The following ZNF536 variants were observed in gnomAD, a reference collection of about 807,000 sequenced individuals.
The protein encoded by ZNF536 is zinc finger protein 536.
A neutral mutation model predicts 84.5 loss-of-function variants in ZNF536; 13 were observed. The observed-to-expected ratio is 0.15, with a 90% CI of 0.10 to 0.24. The LOEUF (loss-of-function observed/expected upper bound fraction) is 0.24. Among genes scored for constraint, ZNF536 ranks in the 10% least tolerant of loss-of-function variants. The pLI, the probability that ZNF536 is intolerant of heterozygous loss-of-function variation, is 1.00. For synonymous variants in ZNF536, 811 were observed against 742.5 expected, an observed-to-expected ratio of 1.09 and a Z score of -1.50; for missense variants, 1,536 against 1,747.5, an observed-to-expected ratio of 0.88 and a Z score of 2.16.
In ZNF536 at chr19:30,534,891, G is replaced by A. The variant is rs2145933370; in HGVS notation, c.2215G>A (p.Ala739Thr). ...GAGATCTGCCGGCGTCCAGCAACCA[G>A]CGCTGCTTCGCGACAGAAGCCTGGG... is the stretch of plus-strand genomic sequence containing the variant. ...AGRSAGVQQPALLRDRSLGSA... is the reference protein window; with the variant it reads ...AGRSAGVQQPTLLRDRSLGSA... The change falls in exon 3 of 5, where the codon GCG becomes ACG. Residue 739 changes from alanine (A) to threonine (T), a missense_variant. Transcript: ENST00000355537. The A allele has an allele frequency of 6.2e-7, 1 of 1,613,946 alleles. No homozygotes were observed. The highest frequency in any genetic ancestry group is 8.5e-7 in the Non-Finnish European group (1 of 1,179,886).
intron 1 of ZNF536, among the ~76,000 whole-genome samples, chr19:30,436,674 G>C (rs576567692): frequency 6.6e-6 from 1 of 152,300 alleles, no homozygotes; most frequent in East Asian, 1.9e-4. Context: ...ACAACAATTG[G>C]AAAAATAGTA....
At chr19:30,616,865 C>T (rs796840381) in intron 1 of ZNF536, among the ~76,000 whole-genome samples, 4 of 152,186 alleles carry the variant, frequency 2.6e-5, no homozygotes, top group African/African-American at 9.6e-5. Flanking sequence ...TTTCTCTCTC[C>T]TCTGTGGTCA....
chr19:30,261,697 CAAAAAAAAA>C (rs56820609), intron 1 of ZNF536, among the ~76,000 whole-genome samples: 1 of 99,922 alleles, frequency 1.0e-5, no homozygotes, highest in Non-Finnish European at 2.0e-5. Flanking sequence ...GGACCTTGTC[CAAAAAAAAA>C]AAAAAAAAAA....
At chr19:30,646,047 T>A (rs761184025) in intron 1 of ZNF536, among the ~76,000 whole-genome samples, 3 of 152,190 alleles carry the variant, frequency 2.0e-5, no homozygotes, top group Non-Finnish European at 4.4e-5. Context: ...TCTGTAGCTC[T>A]GTCTCCAAGT....
At chr19:30,287,473 G>A (rs2045674900) in intron 2 of ZNF536, among the ~76,000 whole-genome samples, 1 of 151,728 alleles carries the variant, frequency 6.6e-6, no homozygotes, top group Non-Finnish European at 1.5e-5. Context: ...AGGATGGATA[G>A]ATGGATAGAT....
chr19:30,324,768 C>T (rs1313915917), intron 2 of ZNF536, among the ~76,000 whole-genome samples: 1 of 152,162 alleles, frequency 6.6e-6, no homozygotes, highest in Admixed American at 6.5e-5. Context: ...TAATTTACTT[C>T]ACTATGCCCT....
At chr19:30,515,159 G>C (rs1204887730) in intron 2 of ZNF536, among the ~76,000 whole-genome samples, 2 of 152,196 alleles carry the variant, frequency 1.3e-5, no homozygotes, top group East Asian at 3.9e-4. Context: ...CTACTTGGGA[G>C]CCTGAGATGG....
At chr19:30,412,865 T>A (rs1434578455) in intron 1 of ZNF536, among the ~76,000 whole-genome samples, 1 of 151,800 alleles carries the variant, frequency 6.6e-6, no homozygotes, top group African/African-American at 2.4e-5. Flanking sequence ...GTGATGAGGC[T>A]TTTTTTTAAA....
chr19:30,700,213 C>CTTTCT (rs1452244836), intron 1 of ZNF536, among the ~76,000 whole-genome samples: 34 of 102,672 alleles, frequency 3.3e-4, no homozygotes, highest in Non-Finnish European at 4.3e-4. Flanking sequence ...TCTTTCTTTC[C>CTTTCT]TTCTTTCTTT....
intron 1 of ZNF536, among the ~76,000 whole-genome samples, chr19:30,659,578 A>G (rs1294605096): frequency 6.6e-6 from 1 of 152,214 alleles, no homozygotes; most frequent in African/African-American, 2.4e-5. Context: ...AGGCCTCACA[A>G]ACATGGTGGA....
At chr19:30,430,240 T>A (rs542331795) in intron 1 of ZNF536, among the ~76,000 whole-genome samples, 2 of 152,360 alleles carry the variant, frequency 1.3e-5, no homozygotes, top group South Asian at 4.1e-4. Context: ...GATGTTATGC[T>A]GGAGGCCTGC....
At chr19:30,329,564 A>G (rs2146366180) in intron 2 of ZNF536, among the ~76,000 whole-genome samples, 1 of 152,244 alleles carries the variant, frequency 6.6e-6, no homozygotes, top group Non-Finnish European at 1.5e-5. Context: ...ATGAAATTTT[A>G]TTTAAGAGAA....
chr19:30,277,135 G>T (rs1456106572), intron 1 of ZNF536, among the ~76,000 whole-genome samples: 2 of 152,176 alleles, frequency 1.3e-5, no homozygotes, highest in Non-Finnish European at 2.9e-5. Flanking sequence ...GAGCACTAAC[G>T]ACTCCTTGGT....
chr19:30,400,697 A>G (rs982816946), intron 1 of ZNF536, among the ~76,000 whole-genome samples: 15 of 152,116 alleles, frequency 9.9e-5, no homozygotes, highest in African/African-American at 3.6e-4. Flanking sequence ...AAGTGAGCAG[A>G]TGAGACTACA....
chr19:30,256,715 T>C (rs1204361772), intron 1 of ZNF536, among the ~76,000 whole-genome samples: 1 of 152,156 alleles, frequency 6.6e-6, no homozygotes, highest in Non-Finnish European at 1.5e-5. Flanking sequence ...GGGATTCTGT[T>C]GTAATGCAGT....
chr19:30,520,279 G>A (rs780781578), intron 2 of ZNF536, among the ~76,000 whole-genome samples: 2 of 152,150 alleles, frequency 1.3e-5, no homozygotes, highest in Admixed American at 6.5e-5. Flanking sequence ...ATGTGTTCTC[G>A]GGGTAGGGGA....
chr19:30,644,106 C>T (rs2049370167), intron 1 of ZNF536, among the ~76,000 whole-genome samples: 1 of 152,182 alleles, frequency 6.6e-6, no homozygotes, highest in African/African-American at 2.4e-5. Context: ...TGTGGTTTAA[C>T]TTTACTTGTT....
At chr19:30,520,018 A>G (rs948495989) in intron 2 of ZNF536, among the ~76,000 whole-genome samples, 5 of 152,214 alleles carry the variant, frequency 3.3e-5, no homozygotes, top group African/African-American at 1.2e-4. Context: ...ACCCTCAAAC[A>G]TGAGTGGGAT....
At chr19:30,248,963 C>G (rs1000390658) in intron 1 of ZNF536, among the ~76,000 whole-genome samples, 1 of 152,164 alleles carries the variant, frequency 6.6e-6, no homozygotes, top group African/African-American at 2.4e-5. Flanking sequence ...TGCTGCCAAA[C>G]GGGGGTTTAA....
Sources: allele counts gnomAD v4.1 joint callset (sites outside exome capture counted in the v4.1 genomes callset), GRCh38; gene constraint gnomAD v4.1.1; transcripts MANE v1.5; gene names NCBI Gene and HGNC (gene_info 2026-07-23, HGNC 2026-07-21).